ADGRL3: variants seen among roughly 807,000 people sequenced by gnomAD.
ADGRL3 encodes the protein adhesion G protein-coupled receptor L3.
ADGRL3 carries 62 observed loss-of-function variants against 153.5 expected under a neutral mutation model. That is an observed-to-expected ratio of 0.40 (90% CI 0.33 to 0.50). ADGRL3 has a LOEUF of 0.50. ADGRL3 is among the 20% of genes least tolerant of loss of function. ADGRL3 has a pLI of 0.47. For missense variants in ADGRL3, 1,641 were observed against 1,859.4 expected (o/e 0.88, Z 2.16); for synonymous variants, 710 against 672.5 (o/e 1.06, Z -0.86).
intron 9 of ADGRL3, among the ~76,000 whole-genome samples, chr4:61,832,739 G>C (rs909595455): frequency 6.6e-6 from 1 of 151,768 alleles, no homozygotes; most frequent in African/African-American, 2.4e-5. Flanking sequence ...TGGAAAACCT[G>C]AATATATAAT....
chr4:61,507,991 T>C (rs142579569), intron 3 of ADGRL3, among the ~76,000 whole-genome samples: 130 of 152,274 alleles, frequency 8.5e-4, no homozygotes, highest in African/African-American at 3.0e-3. Context: ...AGGTTTTTTG[T>C]TACCATGAAC....
intron 2 of ADGRL3, among the ~76,000 whole-genome samples, chr4:61,468,269 G>C (rs1175495517): frequency 6.6e-6 from 1 of 152,116 alleles, no homozygotes; most frequent in Non-Finnish European, 1.5e-5. Context: ...GTAAAACCAT[G>C]ACTATGCTTT....
chr4:61,988,428 C>T (rs2099093298), intron 19 of ADGRL3, among the ~76,000 whole-genome samples: 2 of 151,862 alleles, frequency 1.3e-5, no homozygotes, highest in Admixed American at 1.3e-4. Flanking sequence ...CTTTTTATGT[C>T]TCTCATACTG....
At chr4:61,714,129 C>T (rs2151517790) in intron 6 of ADGRL3, among the ~76,000 whole-genome samples, 1 of 151,334 alleles carries the variant, frequency 6.6e-6, no homozygotes, top group Non-Finnish European at 1.5e-5. Flanking sequence ...AAGAAAGTGA[C>T]AAAAAGAAGC....
intron 2 of ADGRL3, among the ~76,000 whole-genome samples, chr4:61,397,948 A>C (rs2096887491): frequency 6.6e-6 from 1 of 151,918 alleles, no homozygotes; most frequent in Admixed American, 6.6e-5. Context: ...TTGAACAGGC[A>C]AGTAAATCTG....
In ADGRL3 at chr4:61,875,723, A is replaced by G. The variant is rs147872957; in HGVS notation, c.1481-16933A>G. On this transcript the variant is annotated intron_variant, in intron 9 of 26. Transcript: ENST00000683033. Reference sequence around the variant, plus strand: ...TTTTTTTATCCATTGTCTTCTTTCGAGGTCTACAAATAACTAGAGTTCTTT... The same window carrying G: ...TTTTTTTATCCATTGTCTTCTTTCGGGGTCTACAAATAACTAGAGTTCTTT... 3.8e-3 allele frequency among the ~76,000 whole-genome samples: 583 copies of G among 152,342 alleles called. 3 individuals carry two copies. Among genetic ancestry groups the G allele is most frequent in the African/African-American group, 0.013 (545 of 41,578 alleles).
chr4:61,209,709 G>A (rs957003361), intron 1 of ADGRL3, among the ~76,000 whole-genome samples: 12 of 152,126 alleles, frequency 7.9e-5, no homozygotes, highest in Middle Eastern at 3.4e-3. Context: ...TTATAATCCT[G>A]ACAGAAAAAT....
chr4:61,683,083 C>T, intron 6 of ADGRL3, among the ~76,000 whole-genome samples: 1 of 148,972 alleles, frequency 6.7e-6, no homozygotes, highest in East Asian at 2.0e-4. Flanking sequence ...CATGGATGCT[C>T]TTCTAGAGAA....
At chr4:61,470,296 T>A (rs1286260611) in intron 2 of ADGRL3, among the ~76,000 whole-genome samples, 1 of 151,944 alleles carries the variant, frequency 6.6e-6, no homozygotes. Context: ...ATGCCTTGAC[T>A]CATTCCAGGT....
intron 9 of ADGRL3, among the ~76,000 whole-genome samples, chr4:61,837,765 C>T (rs2097958506): frequency 6.6e-6 from 1 of 152,144 alleles, no homozygotes; most frequent in African/African-American, 2.4e-5. Flanking sequence ...TTAGTGGCCC[C>T]TCACTATCAT....
rs922570903 is a variant in ADGRL3 at position 62,070,962 on chromosome 4, C to A, written c.*54C>A. On this transcript the variant is annotated 3_prime_UTR_variant, in exon 27 of 27. Coordinates refer to ENST00000683033, the MANE Select transcript of ADGRL3 (RefSeq NM_001387552.1). ...AACTGCTAACACCTTGTTGACTGTT[C>A]TGAGTTGATATAAGCAGTGGTAATA... The A allele has an allele frequency of 1.4e-6, 2 of 1,399,336 alleles. No homozygotes were observed. The highest frequency in any genetic ancestry group is 1.9e-6 in the Non-Finnish European group (2 of 1,034,536). The allele number at this position is 1,399,336 out of a possible 1,614,324, so 86.7% of individuals were successfully genotyped here. A position where few individuals can be genotyped will look rare whatever the true frequency, so the allele number is the denominator to read the frequency against.
intron 1 of ADGRL3, among the ~76,000 whole-genome samples, chr4:61,260,363 G>A (rs1413299232): frequency 2.0e-5 from 3 of 152,234 alleles, no homozygotes; most frequent in East Asian, 1.9e-4. Context: ...TCTGAGCATC[G>A]CCGGATTCCC....
chr4:61,782,454 T>C (rs1561242502), intron 8 of ADGRL3, among the ~76,000 whole-genome samples: 1 of 152,106 alleles, frequency 6.6e-6, no homozygotes, highest in Non-Finnish European at 1.5e-5. Flanking sequence ...AGACATGAGT[T>C]TTAATAAGTA....
chr4:61,456,278 C>G (rs2097735232), intron 2 of ADGRL3, among the ~76,000 whole-genome samples: 1 of 149,020 alleles, frequency 6.7e-6, no homozygotes, highest in Non-Finnish European at 1.5e-5. Context: ...ATATCTGTTT[C>G]ATTCTCTTGA....
At chr4:61,621,476 G>C (rs2092507138) in intron 5 of ADGRL3, among the ~76,000 whole-genome samples, 1 of 151,954 alleles carries the variant, frequency 6.6e-6, no homozygotes, top group Non-Finnish European at 1.5e-5. Context: ...ATGGTAAATT[G>C]GTAAAAACCT....
chr4:61,452,637 T>A (rs772716185), intron 2 of ADGRL3, among the ~76,000 whole-genome samples: 9 of 152,216 alleles, frequency 5.9e-5, no homozygotes, highest in Non-Finnish European at 1.2e-4. Context: ...TTTTGAGGCA[T>A]AAAATATATA....
chr4:62,055,077 G>C (rs1000528707), intron 25 of ADGRL3, among the ~76,000 whole-genome samples: 1 of 151,746 alleles, frequency 6.6e-6, no homozygotes, highest in Non-Finnish European at 1.5e-5. Flanking sequence ...AATTGAAAAT[G>C]TGCACAAGAT....
intron 5 of ADGRL3, among the ~76,000 whole-genome samples, chr4:61,653,333 T>TTA (rs1363538213): frequency 6.6e-6 from 1 of 152,094 alleles, no homozygotes; most frequent in Non-Finnish European, 1.5e-5. Flanking sequence ...AGAAACAAAG[T>TTA]TATGTTATTT....
intron 1 of ADGRL3, among the ~76,000 whole-genome samples, chr4:61,255,979 C>A (rs1407716707): frequency 6.6e-6 from 1 of 152,056 alleles, no homozygotes; most frequent in Non-Finnish European, 1.5e-5. Flanking sequence ...GTCTTCTGGC[C>A]CCTCCCCAAT....
Sources: gnomAD v4.1 joint callset for allele counts (sites outside exome capture counted in the v4.1 genomes callset) on GRCh38, gnomAD v4.1.1 for gene constraint, MANE v1.5 for transcripts, NCBI Gene and HGNC (gene_info 2026-07-23, HGNC 2026-07-21) for gene names.